Variants in CWF19L2 observed in about 807,000 individuals in gnomAD.
CWF19L2 encodes CWF19 like cell cycle control factor 2.
Under a neutral mutation model 111.7 loss-of-function variants are expected in CWF19L2, and 98 were observed. That is an observed-to-expected ratio of 0.88 (90% CI 0.75 to 1.04). The LOEUF is 1.04. Ranked by LOEUF, CWF19L2 falls within the 50% of genes least tolerant of loss-of-function variation. The pLI, the probability that CWF19L2 is intolerant of heterozygous loss-of-function variation, is 0.00. For synonymous variants in CWF19L2, 351 were observed against 342.9 expected, an observed-to-expected ratio of 1.02 and a Z score of -0.26; for missense variants, 1,101 against 1,051.4, an observed-to-expected ratio of 1.05 and a Z score of -0.65.
intron 4 of CWF19L2, among the ~76,000 whole-genome samples, chr11:107,442,133 G>A (rs1217508749): frequency 1.3e-5 from 2 of 152,146 alleles, no homozygotes; most frequent in East Asian, 1.9e-4. Context: ...AGGCTTTAGG[G>A]ACATAAGGGG....
chr11:107,354,177 C>A (rs1860201900), intron 12 of CWF19L2, among the ~76,000 whole-genome samples: 1 of 151,340 alleles, frequency 6.6e-6, no homozygotes, highest in South Asian at 2.1e-4. Flanking sequence ...CAGATTGATG[C>A]TTTCAAAATA....
At chr11:107,342,013 T>C (rs1017805909) in intron 14 of CWF19L2, among the ~76,000 whole-genome samples, 10 of 152,072 alleles carry the variant, frequency 6.6e-5, no homozygotes, top group Non-Finnish European at 1.2e-4. Flanking sequence ...CCCCAACTTT[T>C]GTTTCATTGA....
intron 7 of CWF19L2, among the ~76,000 whole-genome samples, chr11:107,430,254 G>T (rs1194785583): frequency 6.6e-6 from 1 of 151,088 alleles, no homozygotes; most frequent in Non-Finnish European, 1.5e-5. Flanking sequence ...GGGAAGGAGT[G>T]AATAAGTGTG....
intron 4 of CWF19L2, among the ~76,000 whole-genome samples, chr11:107,441,871 A>T (rs1861623596): frequency 6.6e-6 from 1 of 152,222 alleles, no homozygotes; most frequent in South Asian, 2.1e-4. Context: ...AAGATAACAG[A>T]TCTAAAGCAT....
intron 16 of CWF19L2, among the ~76,000 whole-genome samples, chr11:107,332,531 C>G (rs1166484890): frequency 6.6e-6 from 1 of 150,618 alleles, no homozygotes; most frequent in Admixed American, 6.6e-5. Context: ...CTATTATAAG[C>G]CAAGAATTTA....
intron 12 of CWF19L2, among the ~76,000 whole-genome samples, chr11:107,355,953 A>G (rs1355818439): frequency 6.6e-6 from 1 of 152,248 alleles, no homozygotes; most frequent in African/African-American, 2.4e-5. Context: ...TACATGGAAT[A>G]TCAACCAAGC....
intron 2 of CWF19L2, among the ~76,000 whole-genome samples, chr11:107,454,963 C>T (rs1286115092): frequency 6.6e-6 from 1 of 151,830 alleles, no homozygotes; most frequent in African/African-American, 2.4e-5. Flanking sequence ...GACTATTAGG[C>T]CATAAAAAAT....
At chr11:107,429,503 G>A (rs1861433596) in intron 7 of CWF19L2, 52 bp from the exon 8 acceptor site, 3 of 1,379,094 alleles carry the variant, frequency 2.2e-6, no homozygotes. Context: ...ACGGCTCAGT[G>A]ACTTGCACCC....
At chr11:107,412,337 T>C (rs919051434) in intron 10 of CWF19L2, among the ~76,000 whole-genome samples, 2 of 152,110 alleles carry the variant, frequency 1.3e-5, no homozygotes, top group Admixed American at 6.5e-5. Context: ...CCATAGGAGT[T>C]TTTTGGGTTT....
intron 12 of CWF19L2, among the ~76,000 whole-genome samples, chr11:107,382,061 A>G (rs1860694891): frequency 6.6e-6 from 1 of 152,174 alleles, no homozygotes; most frequent in African/African-American, 2.4e-5. Flanking sequence ...AAAATTAATG[A>G]GGAAAGATGT....
intron 12 of CWF19L2, among the ~76,000 whole-genome samples, chr11:107,388,854 C>A (rs1386265695): frequency 6.6e-6 from 1 of 152,092 alleles, no homozygotes; most frequent in Non-Finnish European, 1.5e-5. Flanking sequence ...CATTAAAATT[C>A]CAGACCCTAG....
chr11:107,330,616 CTT>C (rs572164261), intron 16 of CWF19L2, among the ~76,000 whole-genome samples: 2 of 147,746 alleles, frequency 1.4e-5, no homozygotes, highest in Non-Finnish European at 3.0e-5. Context: ...CTCCCTCTCT[CTT>C]TCTCTCTCTA....
intron 13 of CWF19L2, among the ~76,000 whole-genome samples, chr11:107,350,951 T>A (rs1860148694): frequency 6.6e-6 from 1 of 152,216 alleles, no homozygotes; most frequent in Middle Eastern, 3.4e-3. Flanking sequence ...GTGGCTAAGC[T>A]GAGATGATGA....
chr11:107,420,416 G>T (rs901493237), intron 8 of CWF19L2, among the ~76,000 whole-genome samples: 1 of 151,894 alleles, frequency 6.6e-6, no homozygotes, highest in Non-Finnish European at 1.5e-5. Flanking sequence ...ATATTACCAG[G>T]GACAAAGAAC....
Position 107,353,535 on chromosome 11 carries a change from T to C in CWF19L2, c.2074A>G (p.Ile692Val). ...TAAATACTTCTTACCTTAACACCTA[T>C]TGCAACAATAAGATGCTTGGGAAAT... ...SQFPKHLIVAIGVKVYLCLPN... is the reference protein window; with the variant it reads ...SQFPKHLIVAVGVKVYLCLPN... Residue 692 changes from isoleucine (I) to valine (V), a missense_variant, in exon 13 of 18, where the codon ATA becomes GTA. Transcript: ENST00000282251. 1.9e-6 allele frequency: 3 copies of C among 1,613,222 alleles called. No homozygotes were observed. Among genetic ancestry groups the C allele is most frequent in the Non-Finnish European group, 2.5e-6 (3 of 1,179,344 alleles).
At position 107,441,577 on chromosome 11, in the gene CWF19L2, A is replaced by G; in HGVS notation, c.496T>C (p.Ser166Pro). The G allele has an allele frequency of 6.5e-7, 1 of 1,549,614 alleles. No individual in the cohort carries two copies. The highest frequency in any genetic ancestry group is 1.4e-5 in the African/African-American group (1 of 73,254). ...TTTTCAGCTTTGAGTGATGATGATGACACAGTTTTAACAGACATAAAATCA... is the reference window on the plus strand; with the variant it reads ...TTTTCAGCTTTGAGTGATGATGATGGCACAGTTTTAACAGACATAAAATCA... Reference protein sequence around the residue: ...TVDFMSVKTVSSSSLKAEKET... With the variant: ...TVDFMSVKTVPSSSLKAEKET... The change falls in exon 5 of 18, where the codon TCA (serine) becomes CCA (proline). Residue 166 changes from serine (S) to proline (P), a missense_variant. Transcript: ENST00000282251.
chr11:107,382,809 C>A (rs1860708293), intron 12 of CWF19L2, among the ~76,000 whole-genome samples: 2 of 152,246 alleles, frequency 1.3e-5, no homozygotes, highest in Admixed American at 1.3e-4. Flanking sequence ...GCCCTCCTTT[C>A]ACCTGCCCCA....
chr11:107,413,151 G>C (rs989975795), intron 10 of CWF19L2, among the ~76,000 whole-genome samples: 1 of 152,124 alleles, frequency 6.6e-6, no homozygotes, highest in Non-Finnish European at 1.5e-5. Flanking sequence ...GTCAACGCAG[G>C]TTCATCAATT....
chr11:107,378,861 T>G (rs900029637), intron 12 of CWF19L2, among the ~76,000 whole-genome samples: 1 of 148,964 alleles, frequency 6.7e-6, no homozygotes, highest in East Asian at 2.0e-4. Context: ...AAAAGAAAGA[T>G]AGCATCGATA....
Sources: gnomAD v4.1 joint callset for allele counts (sites outside exome capture counted in the v4.1 genomes callset) on GRCh38, gnomAD v4.1.1 for gene constraint, MANE v1.5 for transcripts, NCBI Gene and HGNC (gene_info 2026-07-23, HGNC 2026-07-21) for gene names.